Variants in TENM3 observed in about 807,000 individuals in gnomAD.
TENM3 encodes teneurin-3.
A neutral mutation model predicts 255.1 loss-of-function variants in TENM3; 63 were observed. The ratio of observed to expected loss-of-function variants is 0.25; its 90% confidence interval spans 0.20 to 0.30. The LOEUF (loss-of-function observed/expected upper bound fraction) is 0.30, where lower values mean the gene tolerates loss of function less well. Among genes scored for constraint, TENM3 ranks in the 10% least tolerant of loss-of-function variants. The pLI is 1.00. For synonymous variants in TENM3, 1,306 were observed against 1,322.3 expected, an observed-to-expected ratio of 0.99 and a Z score of 0.27; for missense variants, 2,929 against 3,461.1, an observed-to-expected ratio of 0.85 and a Z score of 3.86.
chr4:182,025,130 G>A, the TENM3 span, among the ~76,000 whole-genome samples: 3 of 149,098 alleles, frequency 2.0e-5, no homozygotes, highest in African/African-American at 7.5e-5. Flanking sequence ...GCGGGTTCAC[G>A]CCATTCTCCT....
the TENM3 span, among the ~76,000 whole-genome samples, chr4:181,988,500 A>C: frequency 6.6e-6 from 1 of 152,196 alleles, no homozygotes; most frequent in East Asian, 1.9e-4. Context: ...TGTTGTTTCT[A>C]TTGTCACCAC....
the TENM3 span, among the ~76,000 whole-genome samples, chr4:181,658,102 C>T: frequency 3.3e-5 from 5 of 152,220 alleles, no homozygotes; most frequent in South Asian, 2.1e-4. Flanking sequence ...ATGCAATATA[C>T]TCTTTATAAC....
the TENM3 span, among the ~76,000 whole-genome samples, chr4:181,582,732 G>A: frequency 6.6e-6 from 1 of 150,764 alleles, no homozygotes; most frequent in Non-Finnish European, 1.5e-5. Flanking sequence ...TAGTGAGAAA[G>A]AAACTGAGAA....
chr4:182,582,066 T>A (rs2152361966), intron 3 of TENM3, among the ~76,000 whole-genome samples: 1 of 152,294 alleles, frequency 6.6e-6, no homozygotes, highest in East Asian at 1.9e-4. Context: ...TTCCCCTATT[T>A]AATATGCAGT....
intron 12 of TENM3, among the ~76,000 whole-genome samples, chr4:182,702,918 A>C (rs1402846215): frequency 6.6e-6 from 1 of 151,922 alleles, no homozygotes; most frequent in East Asian, 1.9e-4. Context: ...TTGTATTTTT[A>C]GTAGAGACGG....
intron 1 of TENM3, among the ~76,000 whole-genome samples, chr4:182,164,332 T>C (rs1751565677): frequency 6.6e-6 from 1 of 152,174 alleles, no homozygotes; most frequent in Non-Finnish European, 1.5e-5. Flanking sequence ...CTTGAACTGG[T>C]CCTTGGTCCT....
the TENM3 span, among the ~76,000 whole-genome samples, chr4:182,108,614 C>T: frequency 6.6e-6 from 1 of 152,096 alleles, no homozygotes; most frequent in Non-Finnish European, 1.5e-5. Flanking sequence ...ATCTTGTAGG[C>T]TCATATGGAG....
the TENM3 span, among the ~76,000 whole-genome samples, chr4:181,587,220 C>T: frequency 6.4e-4 from 97 of 152,118 alleles, no homozygotes; most frequent in Admixed American, 5.5e-3. Flanking sequence ...AAAAACAGAC[C>T]CTTCCCAATT....
the TENM3 span, among the ~76,000 whole-genome samples, chr4:181,597,544 T>A: frequency 6.6e-6 from 1 of 152,224 alleles, no homozygotes; most frequent in Non-Finnish European, 1.5e-5. Context: ...TAAGGCTATA[T>A]TTTAATCCCA....
chr4:181,944,402 C>T, the TENM3 span, among the ~76,000 whole-genome samples: 1 of 149,764 alleles, frequency 6.7e-6, no homozygotes, highest in Non-Finnish European at 1.5e-5. Flanking sequence ...TGGCCCTCAG[C>T]GAATGGGATG....
the TENM3 span, among the ~76,000 whole-genome samples, chr4:181,864,004 C>A: frequency 4.6e-5 from 7 of 152,126 alleles, no homozygotes; most frequent in African/African-American, 1.7e-4. Context: ...ATTTCAAGAA[C>A]TCTAACAAGT....
At chr4:182,644,517 A>G (rs1000289407) in intron 5 of TENM3, among the ~76,000 whole-genome samples, 2 of 152,138 alleles carry the variant, frequency 1.3e-5, no homozygotes, top group African/African-American at 4.8e-5. Context: ...AGGAGGTGAA[A>G]TAACTATAAT....
intron 1 of TENM3, among the ~76,000 whole-genome samples, chr4:182,294,912 A>C (rs1157775718): frequency 6.6e-6 from 1 of 152,002 alleles, no homozygotes; most frequent in Non-Finnish European, 1.5e-5. Context: ...TGCAATGCCT[A>C]TTTTTGCTAT....
At chr4:182,057,035 C>G in the TENM3 span, among the ~76,000 whole-genome samples, 4 of 151,110 alleles carry the variant, frequency 2.6e-5, no homozygotes, top group Non-Finnish European at 5.9e-5. Context: ...AGAGAGATCT[C>G]GAATGCCCCA....
intron 1 of TENM3, among the ~76,000 whole-genome samples, chr4:182,303,037 A>G (rs1761937898): frequency 6.6e-6 from 1 of 151,052 alleles, no homozygotes; most frequent in Non-Finnish European, 1.5e-5. Context: ...AGTTTTTCTT[A>G]GTGTTTGTTT....
chr4:182,528,323 G>A (rs961086166), intron 3 of TENM3, among the ~76,000 whole-genome samples: 2 of 151,948 alleles, frequency 1.3e-5, no homozygotes, highest in African/African-American at 4.8e-5. Context: ...TCACAGTGTC[G>A]GCCAGGCTGT....
chr4:182,185,577 CCAGA>C (rs1753102440), intron 1 of TENM3, among the ~76,000 whole-genome samples: 2 of 152,184 alleles, frequency 1.3e-5, no homozygotes, highest in Non-Finnish European at 2.9e-5. Flanking sequence ...AGTAGTCTCA[CCAGA>C]CAGAGAGTGC....
At chr4:181,952,146 A>G in the TENM3 span, among the ~76,000 whole-genome samples, 2 of 152,224 alleles carry the variant, frequency 1.3e-5, no homozygotes, top group African/African-American at 4.8e-5. Flanking sequence ...TGATCTGTGG[A>G]AATACTTTTA....
chr4:181,630,149 T>G, the TENM3 span, among the ~76,000 whole-genome samples: 2 of 152,234 alleles, frequency 1.3e-5, no homozygotes, highest in Non-Finnish European at 1.5e-5. Context: ...TAGTCTCTGA[T>G]GGTAGCTTGT....
Sources: gnomAD v4.1 joint callset for allele counts (sites outside exome capture counted in the v4.1 genomes callset) on GRCh38, gnomAD v4.1.1 for gene constraint, MANE v1.5 for transcripts, NCBI Gene and HGNC (gene_info 2026-07-23, HGNC 2026-07-21) for gene names.